DOCK4: variants seen among roughly 807,000 people sequenced by gnomAD.
DOCK4 encodes dedicator of cytokinesis protein 4.
A neutral mutation model predicts 268.1 loss-of-function variants in DOCK4; 97 were observed. The observed-to-expected ratio is 0.36, with a 90% confidence interval of 0.31 to 0.43. The LOEUF (loss-of-function observed/expected upper bound fraction) is 0.43. Ranked by LOEUF, DOCK4 falls within the 20% of genes least tolerant of loss-of-function variation. The probability of loss-of-function intolerance (pLI) is 1.00; values close to 1 mark genes in which losing one functional copy is unlikely to be tolerated. For synonymous variants in DOCK4, 954 were observed against 887.2 expected, an observed-to-expected ratio of 1.08 and a Z score of -1.34; for missense variants, 2,145 against 2,455.7, an observed-to-expected ratio of 0.87 and a Z score of 2.67.
chr7:111,727,547 C>G lies in DOCK4; in HGVS notation c.*727G>C, dbSNP rs1464964160. On this transcript the variant is annotated 3_prime_UTR_variant, in exon 53 of 53. Transcript: ENST00000428084. ...TTCAAGTAAACATTTCTTCTGGAGC[C>G]TCTTGCTTAATCTAGCTGATTGGAA... 6.6e-6 allele frequency: 1 copy of G among 152,540 alleles called. No homozygotes were observed. The highest frequency in any genetic ancestry group is 2.4e-5 in the African/African-American group (1 of 41,426). 9.4% of individuals were successfully genotyped at this position (152,540 alleles called of 1,614,324 possible). A position where few individuals can be genotyped will look rare whatever the true frequency, so the allele number is the denominator to read the frequency against.
intron 12 of DOCK4, among the ~76,000 whole-genome samples, chr7:111,926,035 T>C (rs1454711576): frequency 2.3e-3 from 280 of 120,882 alleles, no homozygotes; most frequent in Middle Eastern, 0.011. Flanking sequence ...GCGGAGGTTG[T>C]AGTGAGCCGA....
At chr7:112,063,986 TC>T (rs1472258306) in intron 1 of DOCK4, among the ~76,000 whole-genome samples, 2 of 152,158 alleles carry the variant, frequency 1.3e-5, no homozygotes, top group African/African-American at 4.8e-5. Context: ...TTCCCAAGTC[TC>T]CCTTACAGCT....
chr7:112,017,366 C>T (rs1342342667), intron 1 of DOCK4, among the ~76,000 whole-genome samples: 1 of 152,184 alleles, frequency 6.6e-6, no homozygotes, highest in Admixed American at 6.5e-5. Flanking sequence ...AATTCTGAAG[C>T]TACCTCATAA....
chr7:111,803,132 T>C (rs1257152244), intron 30 of DOCK4, among the ~76,000 whole-genome samples: 4 of 152,200 alleles, frequency 2.6e-5, no homozygotes, highest in Non-Finnish European at 5.9e-5. Flanking sequence ...TATACTACAT[T>C]CTGCAGCCTG....
chr7:111,896,335 C>G (rs1029289436), intron 15 of DOCK4, among the ~76,000 whole-genome samples: 4 of 152,030 alleles, frequency 2.6e-5, no homozygotes, highest in Non-Finnish European at 5.9e-5. Flanking sequence ...GGAAATGAGG[C>G]GATGAGGTTT....
At chr7:112,191,464 C>T (rs1372628320) in intron 1 of DOCK4, among the ~76,000 whole-genome samples, 2 of 152,030 alleles carry the variant, frequency 1.3e-5, no homozygotes, top group Admixed American at 1.3e-4. Context: ...CACCCACCAG[C>T]AGTCAGCATA....
intron 8 of DOCK4, among the ~76,000 whole-genome samples, chr7:111,954,011 C>CTGGATTTGATT: frequency 6.6e-6 from 1 of 152,298 alleles, no homozygotes; most frequent in South Asian, 2.1e-4. Flanking sequence ...TTCAAAGCCA[C>CTGGATTTGATT]CTCTTTGAGA....
chr7:112,090,974 A>G (rs1260293273), intron 1 of DOCK4, among the ~76,000 whole-genome samples: 1 of 152,146 alleles, frequency 6.6e-6, no homozygotes, highest in African/African-American at 2.4e-5. Context: ...CACATTCACC[A>G]AACACCTTAA....
intron 26 of DOCK4, 83 bp from the exon 27 acceptor site, chr7:111,822,539 G>T: frequency 8.5e-7 from 1 of 1,177,850 alleles, no homozygotes; most frequent in Non-Finnish European, 1.2e-6. Flanking sequence ...CAGTACTGTT[G>T]TACTGTTACC....
At chr7:111,883,173 C>T (rs1161904333) in intron 16 of DOCK4, among the ~76,000 whole-genome samples, 1 of 152,114 alleles carries the variant, frequency 6.6e-6, no homozygotes, top group Non-Finnish European at 1.5e-5. Flanking sequence ...ACTTCAAATG[C>T]TTTCTTCAGG....
At chr7:111,976,296 T>TATATATAC (rs1798202864) in intron 8 of DOCK4, among the ~76,000 whole-genome samples, 3 of 79,072 alleles carry the variant, frequency 3.8e-5, no homozygotes, top group Non-Finnish European at 8.1e-5. Context: ...TATATATATA[T>TATATATAC]ATATATATAT....
chr7:111,790,985 G>A, intron 30 of DOCK4, among the ~76,000 whole-genome samples: 1 of 149,902 alleles, frequency 6.7e-6, no homozygotes, highest in Non-Finnish European at 1.5e-5. Flanking sequence ...ATGAACCCGG[G>A]AGGCGGAGCT....
At position 111,944,707 on chromosome 7, in the gene DOCK4, A is replaced by G; in HGVS notation, c.844+104T>C. The G allele has an allele frequency of 1.8e-6, 2 of 1,142,078 alleles. 1 individual carries two copies. 70.7% of individuals were successfully genotyped at this position (1,142,078 alleles called of 1,614,324 possible). ...TCTTGGATTCAAATCTGGCTTTGATATCTTTCTGATTCAGACAGCAATAAA... is the reference window on the plus strand; with the variant it reads ...TCTTGGATTCAAATCTGGCTTTGATGTCTTTCTGATTCAGACAGCAATAAA... On this transcript the variant is annotated intron_variant, in intron 10 of 52. Transcript: ENST00000428084.
chr7:111,927,711 T>C (rs541656279), intron 12 of DOCK4, among the ~76,000 whole-genome samples: 21 of 152,210 alleles, frequency 1.4e-4, no homozygotes, highest in Non-Finnish European at 2.6e-4. Flanking sequence ...TACAAAGGAA[T>C]CCATGGGCTG....
chr7:111,855,004 G>C (rs2134138936), intron 23 of DOCK4, among the ~76,000 whole-genome samples: 1 of 152,340 alleles, frequency 6.6e-6, no homozygotes, highest in South Asian at 2.1e-4. Flanking sequence ...GAGAAAATGA[G>C]AGACTAAACC....
chr7:112,108,272 A>G (rs1398560137), intron 1 of DOCK4, among the ~76,000 whole-genome samples: 3 of 152,218 alleles, frequency 2.0e-5, no homozygotes, highest in African/African-American at 7.2e-5. Flanking sequence ...CCTGAATTCT[A>G]AATTTATATT....
At chr7:111,984,168 C>A (rs939022356) in intron 7 of DOCK4, 138 bp downstream of exon 7, 28 of 723,074 alleles carry the variant, frequency 3.9e-5, no homozygotes, top group Non-Finnish European at 6.3e-5. Context: ...GCATGGTCAC[C>A]TCAGCTCTCA....
intron 17 of DOCK4, among the ~76,000 whole-genome samples, chr7:111,873,362 A>AC (rs1806579245): frequency 6.6e-6 from 1 of 152,174 alleles, no homozygotes; most frequent in South Asian, 2.1e-4. Flanking sequence ...TTAGTCTCCA[A>AC]CGCATGCAGG....
At chr7:111,756,536 T>C (rs1174686899) in intron 41 of DOCK4, among the ~76,000 whole-genome samples, 1 of 90,458 alleles carries the variant, frequency 1.1e-5, no homozygotes, top group Admixed American at 1.0e-4. Context: ...GAGGCAAATC[T>C]GTATTTTAGA....
Sources: gnomAD v4.1 joint callset for allele counts (sites outside exome capture counted in the v4.1 genomes callset) on GRCh38, gnomAD v4.1.1 for gene constraint, MANE v1.5 for transcripts, NCBI Gene and HGNC (gene_info 2026-07-23, HGNC 2026-07-21) for gene names.